FBXW11: variants seen among roughly 807,000 people sequenced by gnomAD.
FBXW11 encodes F-box/WD repeat-containing protein 11.
FBXW11 carries 19 observed loss-of-function variants against 77.6 expected under a neutral mutation model. That is an observed-to-expected ratio of 0.24 (90% CI 0.17 to 0.36). The LOEUF (loss-of-function observed/expected upper bound fraction) is 0.36. Ranked by LOEUF, FBXW11 falls within the 10% of genes least tolerant of loss-of-function variation. FBXW11 has a pLI of 1.00. For missense variants in FBXW11, 334 were observed against 704.2 expected (o/e 0.47, Z 5.95); for synonymous variants, 235 against 249.4 (o/e 0.94, Z 0.54).
intron 7 of FBXW11, 128 bp from the exon 8 acceptor site, chr5:171,878,257 A>G (rs1581134472): frequency 1.6e-6 from 1 of 644,816 alleles, no homozygotes; most frequent in African/African-American, 1.8e-5. Context: ...GAAACACTGA[A>G]TAACAAACAG....
chr5:171,880,850 C>T (rs1481154544), intron 7 of FBXW11, among the ~76,000 whole-genome samples: 1 of 152,136 alleles, frequency 6.6e-6, no homozygotes, highest in African/African-American at 2.4e-5. Flanking sequence ...CGCCCACCAC[C>T]ACACCCGGCT....
Position 171,891,491 on chromosome 5 carries a change from A to G in FBXW11, c.828T>C (p.Ser276=). ...CLQYDDEKII[S]GLRDNSIKIW... is the part of the protein sequence containing the mutation. Reference sequence around the variant, plus strand: ...CCTTAATAGAATTATCTCGTAGGCCACTGATAATTTTTTCATCATCGTACT... The same window carrying G: ...CCTTAATAGAATTATCTCGTAGGCCGCTGATAATTTTTTCATCATCGTACT... The change falls in exon 7 of 14, where the codon AGT becomes AGC. Residue 276 remains serine, a synonymous_variant. Coordinates refer to ENST00000517395, the MANE Select transcript of FBXW11 (RefSeq NM_001378974.1). 6.3e-7 allele frequency: 1 copy of G among 1,596,370 alleles called. No individual in the cohort carries two copies. The highest frequency in any genetic ancestry group is 8.5e-7 in the Non-Finnish European group (1 of 1,172,868).
At chr5:171,984,613 T>C (rs925036538) in intron 1 of FBXW11, among the ~76,000 whole-genome samples, 3 of 152,196 alleles carry the variant, frequency 2.0e-5, no homozygotes, top group Admixed American at 2.0e-4. Flanking sequence ...TGGTATAATT[T>C]TAAGTGTGGG....
chr5:171,916,373 G>A, intron 2 of FBXW11: 1 of 923,962 alleles, frequency 1.1e-6, no homozygotes, highest in Non-Finnish European at 1.3e-6. Context: ...GACTTTCTCA[G>A]TAAAATCTTA....
rs569419335 is a variant in FBXW11 at position 171,923,752 on chromosome 5, G to A, written c.148-9347C>T. ...GTATTTTTTTTTTTCACATTTTAACGTCTCTGAAATAGAGATGTTTCTTAT... is the reference window on the plus strand; with the variant it reads ...GTATTTTTTTTTTTCACATTTTAACATCTCTGAAATAGAGATGTTTCTTAT... On this transcript the variant is annotated intron_variant, in intron 2 of 13. Transcript: ENST00000517395. Among the ~76,000 whole-genome samples the A allele has an allele frequency of 4.7e-5, 7 of 149,762 alleles. No individual in the cohort carries two copies. The East Asian group carries it at 7.8e-4, about 17-fold the overall frequency.
chr5:171,952,743 C>T (rs1763412891), intron 2 of FBXW11, among the ~76,000 whole-genome samples: 1 of 151,746 alleles, frequency 6.6e-6, no homozygotes, highest in South Asian at 2.1e-4. Flanking sequence ...AGCCACCGCG[C>T]CCAGCCTATT....
intron 7 of FBXW11, among the ~76,000 whole-genome samples, chr5:171,881,529 T>TA (rs555419746): frequency 6.6e-6 from 1 of 152,378 alleles, no homozygotes; most frequent in East Asian, 1.9e-4. Flanking sequence ...AACATGAAGA[T>TA]ATTGGTCTGT....
At chr5:171,997,566 C>T (rs1374945271) in intron 1 of FBXW11, among the ~76,000 whole-genome samples, 4 of 152,192 alleles carry the variant, frequency 2.6e-5, no homozygotes, top group Non-Finnish European at 4.4e-5. Context: ...ATCCTCTACC[C>T]TTAGCTAAAA....
At chr5:171,918,708 A>G (rs1581200688) in intron 2 of FBXW11, among the ~76,000 whole-genome samples, 1 of 152,318 alleles carries the variant, frequency 6.6e-6, no homozygotes, top group East Asian at 1.9e-4. Flanking sequence ...TCTCAGGCAG[A>G]TCAATTTTAG....
chr5:171,945,171 A>C (rs1762943637), intron 2 of FBXW11, among the ~76,000 whole-genome samples: 1 of 152,256 alleles, frequency 6.6e-6, no homozygotes, highest in Non-Finnish European at 1.5e-5. Flanking sequence ...ATAAAATAAC[A>C]GTGGAAAGCA....
At chr5:171,870,502 C>T (rs1025201491) in intron 11 of FBXW11, among the ~76,000 whole-genome samples, 2 of 152,088 alleles carry the variant, frequency 1.3e-5, no homozygotes, top group East Asian at 1.9e-4. Flanking sequence ...GAGTTGACAG[C>T]GATGATTCAA....
intron 1 of FBXW11, among the ~76,000 whole-genome samples, chr5:171,993,344 T>A (rs1245646661): frequency 1.3e-5 from 2 of 152,178 alleles, no homozygotes; most frequent in Admixed American, 6.5e-5. Context: ...CTGGGTGTGG[T>A]GGCTCACACC....
At chr5:171,965,940 C>T (rs1230613820) in intron 1 of FBXW11, among the ~76,000 whole-genome samples, 1 of 152,116 alleles carries the variant, frequency 6.6e-6, no homozygotes, top group Non-Finnish European at 1.5e-5. Context: ...TGAGTTCTCA[C>T]AGAATCTCAT....
intron 2 of FBXW11, among the ~76,000 whole-genome samples, chr5:171,952,446 TA>T (rs1245150515): frequency 0.014 from 365 of 25,538 alleles, 20 homozygotes; most frequent in African/African-American, 0.063. Context: ...TATATATATA[TA>T]TTTTTTTTTT....
At chr5:171,902,161 A>G (rs1760171622) in intron 4 of FBXW11, among the ~76,000 whole-genome samples, 1 of 152,220 alleles carries the variant, frequency 6.6e-6, no homozygotes, top group Non-Finnish European at 1.5e-5. Flanking sequence ...TGGAAAAATC[A>G]GCAGATGATG....
At chr5:172,002,407 T>C (rs1035274555) in intron 1 of FBXW11, among the ~76,000 whole-genome samples, 4 of 148,156 alleles carry the variant, frequency 2.7e-5, no homozygotes, top group Non-Finnish European at 3.0e-5. Flanking sequence ...CCATATATTT[T>C]ATATAAATGT....
intron 1 of FBXW11, among the ~76,000 whole-genome samples, chr5:171,998,576 C>A (rs1766213654): frequency 6.6e-6 from 1 of 151,482 alleles, no homozygotes; most frequent in Non-Finnish European, 1.5e-5. Context: ...GCGGGCAGAT[C>A]ACTTGAGGTC....
chr5:171,871,670 T>A (rs1403837388), intron 10 of FBXW11, among the ~76,000 whole-genome samples: 1 of 152,252 alleles, frequency 6.6e-6, no homozygotes, highest in Non-Finnish European at 1.5e-5. Flanking sequence ...TCATAGCTAG[T>A]TAGCATGTAC....
intron 2 of FBXW11, among the ~76,000 whole-genome samples, chr5:171,955,497 T>C (rs1561719094): frequency 6.6e-6 from 1 of 152,108 alleles, no homozygotes; most frequent in Admixed American, 6.5e-5. Context: ...AAACCCAAAT[T>C]AAGGCACGAA....
Sources: allele counts gnomAD v4.1 joint callset (sites outside exome capture counted in the v4.1 genomes callset), GRCh38; gene constraint gnomAD v4.1.1; transcripts MANE v1.5; gene names NCBI Gene and HGNC (gene_info 2026-07-23, HGNC 2026-07-21).